DNAH10: variants seen among roughly 807,000 people sequenced by gnomAD.
DNAH10 encodes dynein axonemal heavy chain 10, also known as axonemal beta dynein heavy chain 10.
Under a neutral mutation model 506.6 loss-of-function variants are expected in DNAH10, and 348 were observed. That is an observed-to-expected ratio of 0.69 (90% confidence interval 0.63 to 0.75). DNAH10 has a LOEUF of 0.75. DNAH10 is among the 30% of genes least tolerant of loss of function. The probability of loss-of-function intolerance (pLI) is 0.00; values close to 1 mark genes in which losing one functional copy is unlikely to be tolerated. For missense variants in DNAH10, 5,179 were observed against 5,787.1 expected (o/e 0.89, Z 3.41); for synonymous variants, 2,059 against 2,198.6 (o/e 0.94, Z 1.78).
chr12:123,860,989 G>A (rs1951588216), intron 38 of DNAH10, 23 bp from the exon 39 acceptor site: 2 of 1,613,728 alleles, frequency 1.2e-6, no homozygotes, highest in African/African-American at 1.3e-5. Context: ...CTTGAACCAT[G>A]GCTAAAGCCT....
In DNAH10 at chr12:123,841,459, G is replaced by A; in HGVS notation, c.5274G>A (p.Trp1758Ter). The A allele has an allele frequency of 3.1e-6, 5 of 1,614,040 alleles. No individual in the cohort carries two copies. In the South Asian group the frequency reaches 3.3e-5, roughly 11 times the overall value. Reference sequence around the variant, plus strand: ...GGGCTGAAGGGCGCGTGGAGGACTGGATGACGGCAGTTTTGAATGAGATGA... The same window carrying A: ...GGGCTGAAGGGCGCGTGGAGGACTGAATGACGGCAGTTTTGAATGAGATGA... ...ILRAEGRVED[W>*]MTAVLNEMRR... The change falls in exon 30 of 79, where the codon TGG (tryptophan) becomes TGA (stop). Residue 1758 changes from tryptophan (W) to a stop codon, truncating the protein, a stop_gained. Transcript: ENST00000673944. LOFTEE classifies it high-confidence loss of function.
rs1234730775 is a variant in DNAH10, at chr12:123,917,347, C to T, written c.11003-237C>T. Reference sequence around the variant, plus strand: ...CTATGGCACCCCAGTCCGTGGAAGCCTGGGTTTTATTTCAGTGTGTTTTTT... The same window carrying T: ...CTATGGCACCCCAGTCCGTGGAAGCTTGGGTTTTATTTCAGTGTGTTTTTT... On this transcript the variant is annotated intron_variant, in intron 63 of 78. Coordinates refer to ENST00000673944, the MANE Select transcript of DNAH10 (RefSeq NM_001372106.1). The surrounding 1 kb of genome is among the most constrained non-coding windows in gnomAD (Gnocchi z 5.6). Among the ~76,000 whole-genome samples, 1 of 152,160 alleles carries T rather than the reference C, an allele frequency of 6.6e-6. No individual in the cohort carries two copies. The highest frequency in any genetic ancestry group is 1.5e-5 in the Non-Finnish European group (1 of 68,028).
At chr12:123,766,075 CATCTATCTATACATCT>C (rs1390950148) in intron 1 of DNAH10, among the ~76,000 whole-genome samples, 5 of 144,130 alleles carry the variant, frequency 3.5e-5, no homozygotes, top group African/African-American at 1.1e-4. Flanking sequence ...TCTGTCTATA[CATCTATCTATACATCT>C]ATCTATCTAT....
intron 72 of DNAH10, chr12:123,930,011 G>T: frequency 1.7e-6 from 1 of 590,090 alleles, no homozygotes; most frequent in South Asian, 2.1e-5. Flanking sequence ...CCTTGCCTCA[G>T]CTGTTGCTGT....
chr12:123,806,804 G>T (rs1372528110), intron 18 of DNAH10, among the ~76,000 whole-genome samples: 7 of 135,820 alleles, frequency 5.2e-5, no homozygotes, highest in Admixed American at 1.6e-4. Flanking sequence ...GTCTTGCTCT[G>T]TTGCCCAGGC....
chr12:123,821,935 A>C (rs2136424388), intron 24 of DNAH10, among the ~76,000 whole-genome samples: 1 of 151,414 alleles, frequency 6.6e-6, no homozygotes, highest in African/African-American at 2.4e-5. Flanking sequence ...TTCCGGGCAC[A>C]GTGGCTCACA....
rs757277915 is a variant in DNAH10 at position 123,925,216 on chromosome 12, G to A, written c.11921+12G>A. On this transcript the variant is annotated intron_variant, in intron 68 of 78. Coordinates refer to ENST00000673944, the MANE Select transcript of DNAH10 (RefSeq NM_001372106.1). The surrounding 1 kb of genome is among the most constrained non-coding windows in gnomAD (Gnocchi z 4.0). ...ACAATGGGAGAGAAGTAAGTGTGTC[G>A]TTTTGTTGATTTGCCACTTTCCGTG... 18 of 1,613,468 alleles carry A rather than the reference G, an allele frequency of 1.1e-5. No individual in the cohort carries two copies. Among genetic ancestry groups the A allele is most frequent in the Non-Finnish European group, 1.1e-5 (13 of 1,179,568 alleles).
chr12:123,793,382 A>C lies in DNAH10; in HGVS notation c.1816-560A>C, dbSNP rs1448045529. Among the ~76,000 whole-genome samples, 3 of 92,826 alleles carry C rather than the reference A, an allele frequency of 3.2e-5. No individual in the cohort carries two copies. The Admixed American group carries it at 3.8e-4, about 12-fold the overall frequency. 60.9% of individuals were successfully genotyped at this position (92,826 alleles called of 152,430 possible). A position where few individuals can be genotyped will look rare whatever the true frequency, so the allele number is the denominator to read the frequency against. The stretch of plus-strand genomic sequence containing the variant: ...GGAATGGAGTCTCGCTCTGTCGCCC[A>C]GGCTGGAGTGCAGTGGCGCCATCTC... On this transcript the variant is annotated intron_variant, in intron 11 of 78. Coordinates refer to ENST00000673944, the MANE Select transcript of DNAH10 (RefSeq NM_001372106.1).
chr12:123,789,019 G>A (rs1957975865), intron 10 of DNAH10, among the ~76,000 whole-genome samples: 1 of 152,298 alleles, frequency 6.6e-6, no homozygotes, highest in African/African-American at 2.4e-5. Context: ...GGAGGCCAAG[G>A]TGGGCGGATC....
chr12:123,931,853 CCTGT>C lies in DNAH10; in HGVS notation c.13128+9_13128+12del, dbSNP rs748025051. ...CTCTGGCTGAACTTCAAAGGGTGAG[CCTGT>C]CTCTCATGTGCAGATTACTGCCTAG... On this transcript the variant is annotated splice_region_variant and intron_variant, in intron 75 of 78. Transcript: ENST00000673944. The C allele has an allele frequency of 6.8e-6, 11 of 1,613,798 alleles. No individual in the cohort carries two copies. Among genetic ancestry groups the C allele is most frequent in the South Asian group, 1.1e-5 (1 of 91,062 alleles).
At chr12:123,934,800 G>A in intron 78 of DNAH10, 34 bp downstream of exon 78, 1 of 1,611,520 alleles carries the variant, frequency 6.2e-7, no homozygotes, top group Non-Finnish European at 8.5e-7. Context: ...CTGACACCAG[G>A]GCCCTTCCTC....
intron 77 of DNAH10, 98 bp from the exon 78 acceptor site, chr12:123,934,523 C>A: frequency 1.4e-6 from 2 of 1,468,208 alleles, no homozygotes; most frequent in Non-Finnish European, 1.9e-6. Context: ...GGAGGCCAGC[C>A]AGTGGCCTGT....
chr12:123,907,671 A>C lies in DNAH10; in HGVS notation c.9816-1590A>C, dbSNP rs986515297. Among the ~76,000 whole-genome samples, 1 of 152,014 alleles carries C rather than the reference A, an allele frequency of 6.6e-6. No individual in the cohort carries two copies. Among genetic ancestry groups the C allele is most frequent in the Non-Finnish European group, 1.5e-5 (1 of 67,974 alleles). Reference sequence around the variant, plus strand: ...TTCCTAACTTGCCCAAGGGCTCAGGACCCCGCCGCAGGCCTGGGCTCCTTC... The same window carrying C: ...TTCCTAACTTGCCCAAGGGCTCAGGCCCCCGCCGCAGGCCTGGGCTCCTTC... On this transcript the variant is annotated intron_variant, in intron 57 of 78. Coordinates refer to ENST00000673944, the MANE Select transcript of DNAH10 (RefSeq NM_001372106.1). This position sits in a 1 kb window ranked among gnomAD's most constrained non-coding sequence, Gnocchi z 4.4.
At chr12:123,864,156 T>C (rs1388289633) in intron 39 of DNAH10, among the ~76,000 whole-genome samples, 3 of 149,314 alleles carry the variant, frequency 2.0e-5, no homozygotes, top group Non-Finnish European at 3.0e-5. Context: ...TTTTTTTTTT[T>C]TTTTTTTGAG....
chr12:123,774,446 A>G (rs970165653), intron 5 of DNAH10, among the ~76,000 whole-genome samples, 182 bp downstream of exon 5: 1 of 152,194 alleles, frequency 6.6e-6, no homozygotes, highest in Non-Finnish European at 1.5e-5. Context: ...TTAAAGACAC[A>G]CACACAGAAA....
rs1038519211 is a variant in DNAH10 at position 123,870,590 on chromosome 12, C to T, written c.7639+105C>T. 78 of 1,436,804 alleles carry T rather than the reference C, an allele frequency of 5.4e-5. 1 individual carries two copies. The highest frequency in any genetic ancestry group is 2.4e-4 in the Admixed American group (10 of 41,688). The allele number at this position is 1,436,804 out of a possible 1,614,324, so 89.0% of individuals were successfully genotyped here. ...GGCTTCTCTGGTACTCTAAGTCCCACGCAGAGAGCTGGTAGAGAAGAATTG... is the reference window on the plus strand; with the variant it reads ...GGCTTCTCTGGTACTCTAAGTCCCATGCAGAGAGCTGGTAGAGAAGAATTG... On this transcript the variant is annotated intron_variant, in intron 44 of 78. Transcript: ENST00000673944.
chr12:123,774,006 A>C (rs1238729637), intron 4 of DNAH10, 143 bp from the exon 5 acceptor site: 2 of 622,636 alleles, frequency 3.2e-6, no homozygotes, highest in Admixed American at 3.2e-5. Flanking sequence ...GTTTAAACAC[A>C]AATAGGGGAT....
chr12:123,920,113 A>T (rs761116136), intron 65 of DNAH10, among the ~76,000 whole-genome samples: 2 of 152,202 alleles, frequency 1.3e-5, no homozygotes, highest in Non-Finnish European at 2.9e-5. Flanking sequence ...ATTATGGAAA[A>T]CATATGCAAA....
At chr12:123,806,101 GTTTTTTGCTTTCATTTTC>G (rs1230319372) in intron 18 of DNAH10, among the ~76,000 whole-genome samples, 1 of 151,978 alleles carries the variant, frequency 6.6e-6, no homozygotes, top group Non-Finnish European at 1.5e-5. Context: ...TTTCTTTTTC[GTTTTTTGCTTTCATTTTC>G]TTGTTTGGTT....
Sources: gnomAD v4.1 joint callset for allele counts (sites outside exome capture counted in the v4.1 genomes callset) on GRCh38, gnomAD v4.1.1 for gene constraint, Gnocchi (gnomAD v3.1) non-coding constraint, MANE v1.5 for transcripts, NCBI Gene and HGNC (gene_info 2026-07-23, HGNC 2026-07-21) for gene names.